The following RBM26 variants were observed in gnomAD, a reference collection of about 807,000 sequenced individuals.
RBM26 encodes the protein RNA-binding protein 26.
A neutral mutation model predicts 123.6 loss-of-function variants in RBM26; 30 were observed. The ratio of observed to expected loss-of-function variants is 0.24; its 90% CI spans 0.18 to 0.33. RBM26 has a LOEUF of 0.33. Among genes scored for constraint, RBM26 ranks in the 10% least tolerant of loss-of-function variants. The pLI, the probability that RBM26 is intolerant of heterozygous loss-of-function variation, is 1.00. For missense variants in RBM26, 947 were observed against 1,203.6 expected, an observed-to-expected ratio of 0.79 and a Z score of 3.15; for synonymous variants, 400 against 404.4, an observed-to-expected ratio of 0.99 and a Z score of 0.13.
chr13:79,325,818 C>T (rs2068315848), intron 20 of RBM26, among the ~76,000 whole-genome samples: 1 of 152,084 alleles, frequency 6.6e-6, no homozygotes, highest in Non-Finnish European at 1.5e-5. Flanking sequence ...ACTAACTCAC[C>T]CAGAGCAATT....
chr13:79,318,127 C>A (rs930975021), downstream of RBM26, among the ~76,000 whole-genome samples: 3 of 151,260 alleles, frequency 2.0e-5, no homozygotes, highest in Non-Finnish European at 4.4e-5. Flanking sequence ...TATGAACTGG[C>A]GAATGACCAA....
intron 18 of RBM26, among the ~76,000 whole-genome samples, 176 bp downstream of exon 18, chr13:79,340,946 AC>A (rs1207427778): frequency 1.3e-5 from 2 of 151,918 alleles, no homozygotes; most frequent in Non-Finnish European, 2.9e-5. Context: ...TTTATCTAGT[AC>A]CTCTGAAAAA....
intron 20 of RBM26, 41 bp downstream of exon 20, chr13:79,334,303 A>T: frequency 8.9e-7 from 1 of 1,119,564 alleles, no homozygotes. Flanking sequence ...ATACTTATAA[A>T]TCATTTAAAT....
intron 1 of RBM26, among the ~76,000 whole-genome samples, chr13:79,393,539 C>T (rs1040908625): frequency 3.9e-5 from 6 of 152,170 alleles, no homozygotes; most frequent in African/African-American, 9.7e-5. Context: ...ACATCAGTTC[C>T]GCATGACTTG....
At chr13:79,322,622 AT>A (rs1474433624) in intron 20 of RBM26, among the ~76,000 whole-genome samples, 160 bp from the exon 21 acceptor site, 2 of 151,616 alleles carry the variant, frequency 1.3e-5, no homozygotes, top group East Asian at 3.9e-4. Flanking sequence ...ATTTACTATT[AT>A]TATAATTTAC....
At position 79,353,670 on chromosome 13, in the gene RBM26, A is replaced by G. The variant is rs564116699; in HGVS notation, c.1987-446T>C. On this transcript the variant is annotated intron_variant, in intron 13 of 21. Transcript: ENST00000438737. ...TTTTAAATTAACTAATAATTTACCAATAGACATTCTGCATGTCCTTGCAGA... is the reference window on the plus strand; with the variant it reads ...TTTTAAATTAACTAATAATTTACCAGTAGACATTCTGCATGTCCTTGCAGA... Among the ~76,000 whole-genome samples, 6 of 152,336 alleles carry G rather than the reference A, an allele frequency of 3.9e-5. No homozygotes were observed. The South Asian group carries it at 1.2e-3, about 32-fold the overall frequency.
chr13:79,314,975 C>T (rs2067014920), downstream of RBM26: 1 of 1,301,118 alleles, frequency 7.7e-7, no homozygotes, highest in South Asian at 1.2e-5. Flanking sequence ...TAAATTCAGG[C>T]AATGATGATC....
Position 79,405,991 on chromosome 13 carries a change from C to T in RBM26, c.-217G>A, listed in dbSNP as rs1214118373. 6.5e-6 allele frequency: 2 copies of T among 308,080 alleles called. No individual in the cohort carries two copies. The highest frequency in any genetic ancestry group is 5.3e-5 in the East Asian group (1 of 18,848). The allele number at this position is 308,080 out of a possible 1,614,324, so 19.1% of individuals were successfully genotyped here. ...GGTGCCAGGAGCTCCCCGTCCCCGG[C>T]CCCCAGCCCGGGCTGAAACAGCAAC... On this transcript the variant is annotated 5_prime_UTR_variant, in exon 1 of 22. Coordinates refer to ENST00000438737, the MANE Select transcript of RBM26 (RefSeq NM_001366735.2).
chr13:79,371,231 C>A (rs2075840836), intron 4 of RBM26, 69 bp from the exon 5 acceptor site: 4 of 1,234,302 alleles, frequency 3.2e-6, no homozygotes, highest in Non-Finnish European at 4.6e-6. Flanking sequence ...TAATTAAATG[C>A]AAAAGTTACA....
Position 79,368,997 on chromosome 13 carries a change from C to T in RBM26, c.635-7G>A, listed in dbSNP as rs375610482. 31 of 1,563,496 alleles carry T rather than the reference C, an allele frequency of 2.0e-5. No homozygotes were observed. The highest frequency in any genetic ancestry group is 2.4e-5 in the Non-Finnish European group (28 of 1,150,188). On this transcript the variant is annotated splice_polypyrimidine_tract_variant and splice_region_variant and intron_variant, in intron 5 of 21. Coordinates refer to ENST00000438737, the MANE Select transcript of RBM26 (RefSeq NM_001366735.2). The stretch of plus-strand genomic sequence containing the variant: ...GGTTTTACCAGATCCCTTTCTGCAA[C>T]GAAAGATAAATGACATATAAAACTA...
chr13:79,320,045 A>C lies in RBM26; in HGVS notation c.*576T>G. 1.0e-6 allele frequency: 1 copy of C among 959,410 alleles called. No homozygotes were observed. The allele number at this position is 959,410 out of a possible 1,614,324, so 59.4% of individuals were successfully genotyped here. On this transcript the variant is annotated 3_prime_UTR_variant, in exon 22 of 22. Coordinates refer to ENST00000438737, the MANE Select transcript of RBM26 (RefSeq NM_001366735.2). ...CCACTTTATTATAACATCTGGATGCATAAGGACTCATGTAAAGCAGTCATA... is the reference window on the plus strand; with the variant it reads ...CCACTTTATTATAACATCTGGATGCCTAAGGACTCATGTAAAGCAGTCATA...
At chr13:79,362,984 T>C (rs2074876308) in intron 9 of RBM26, among the ~76,000 whole-genome samples, 1 of 152,186 alleles carries the variant, frequency 6.6e-6, no homozygotes, top group Non-Finnish European at 1.5e-5. Flanking sequence ...CTGCCTAAAA[T>C]TGTCAGCACT....
At chr13:79,346,037 G>T (rs9565491) in intron 14 of RBM26, among the ~76,000 whole-genome samples, 73,136 of 151,948 alleles carry the variant, frequency 0.48, 18,144 homozygotes, top group East Asian at 0.72. Flanking sequence ...GAAAAACATT[G>T]TTTTCTCAAG....
chr13:79,348,823 A>C (rs78195176), intron 14 of RBM26, among the ~76,000 whole-genome samples: 3,588 of 151,620 alleles, frequency 0.024, 41 homozygotes, highest in African/African-American at 0.029. Context: ...GTTTAAAGTT[A>C]AGTTTATACA....
At chr13:79,373,462 TAATATGTATAAATATACA>T (rs2076281679) in intron 3 of RBM26, among the ~76,000 whole-genome samples, 1 of 71,756 alleles carries the variant, frequency 1.4e-5, no homozygotes, top group African/African-American at 5.5e-5. Flanking sequence ...TAAATATATA[TAATATGTATAAATATACA>T]AATATATATA....
At chr13:79,379,573 T>C (rs1429605987) in intron 1 of RBM26, among the ~76,000 whole-genome samples, 1 of 151,392 alleles carries the variant, frequency 6.6e-6, no homozygotes, top group Non-Finnish European at 1.5e-5. Context: ...TTGAGACAAC[T>C]TGGCAGTTGC....
At chr13:79,392,839 T>C (rs1274610759) in intron 1 of RBM26, among the ~76,000 whole-genome samples, 1 of 148,680 alleles carries the variant, frequency 6.7e-6, no homozygotes, top group Non-Finnish European at 1.5e-5. Context: ...TTCTAGAAAG[T>C]GACAAACTCT....
downstream of RBM26, chr13:79,313,946 T>C (rs2066976324): frequency 6.6e-6 from 1 of 151,350 alleles, no homozygotes. Context: ...AAAATCAGTG[T>C]CAATTGGACT....
intron 20 of RBM26, among the ~76,000 whole-genome samples, chr13:79,330,442 T>C (rs140551686): frequency 1.3e-5 from 2 of 152,282 alleles, no homozygotes; most frequent in African/African-American, 4.8e-5. Context: ...TAGACTACAG[T>C]TCTAAATGGA....
Sources: allele counts gnomAD v4.1 joint callset (sites outside exome capture counted in the v4.1 genomes callset), GRCh38; gene constraint gnomAD v4.1.1; transcripts MANE v1.5; gene names NCBI Gene and HGNC (gene_info 2026-07-23, HGNC 2026-07-21).